Variants in HEATR5A observed in about 807,000 individuals in gnomAD.
HEATR5A encodes the protein HEAT repeat-containing protein 5A.
A neutral mutation model predicts 218.8 loss-of-function variants in HEATR5A; 178 were observed. The ratio of observed to expected loss-of-function variants is 0.81; its 90% confidence interval spans 0.72 to 0.92. The LOEUF is 0.92. Among genes scored for constraint, HEATR5A ranks in the 40% least tolerant of loss-of-function variants. The probability of loss-of-function intolerance (pLI) is 0.00; values close to 1 mark genes in which losing one functional copy is unlikely to be tolerated. For synonymous variants in HEATR5A, 864 were observed against 871.6 expected (o/e 0.99, Z 0.15); for missense variants, 2,420 against 2,418.9 (o/e 1.00, Z -0.01).
At chr14:31,386,658 C>A in intron 8 of HEATR5A, 83 bp from the exon 9 acceptor site, 1 of 1,284,398 alleles carries the variant, frequency 7.8e-7, no homozygotes, top group Non-Finnish European at 1.1e-6. Flanking sequence ...AAAGGTATAA[C>A]GGCAAAAATT....
rs779431570 is a variant in HEATR5A, at chr14:31,318,294, T to C, written c.3970-2A>G. On this transcript the variant is annotated splice_acceptor_variant, in intron 25 of 35. Coordinates refer to ENST00000543095, the MANE Select transcript of HEATR5A (RefSeq NM_015473.4). LOFTEE classifies it high-confidence loss of function. ...GGCTGGTCTAAGCGCTGCTCCTACC[T>C]GGCAAGAAATTACATGACATATCAA... 2 of 1,612,700 alleles carry C rather than the reference T, an allele frequency of 1.2e-6. No individual in the cohort carries two copies. Among genetic ancestry groups the C allele is most frequent in the Non-Finnish European group, 1.7e-6 (2 of 1,178,794 alleles).
At chr14:31,401,661 G>A (rs1354407982) in intron 2 of HEATR5A, among the ~76,000 whole-genome samples, 1 of 152,112 alleles carries the variant, frequency 6.6e-6, no homozygotes, top group African/African-American at 2.4e-5. Flanking sequence ...ATGTAACTTG[G>A]TCTATAAGCA....
intron 14 of HEATR5A, among the ~76,000 whole-genome samples, chr14:31,360,397 T>C (rs1315767887): frequency 1.3e-5 from 2 of 152,340 alleles, no homozygotes; most frequent in South Asian, 2.1e-4. Context: ...TTTTTGCTTT[T>C]GGTGATGGGC....
At chr14:31,319,290 T>A (rs1169799512) in intron 25 of HEATR5A, among the ~76,000 whole-genome samples, 2 of 151,956 alleles carry the variant, frequency 1.3e-5, no homozygotes, top group Non-Finnish European at 2.9e-5. Context: ...GTAGCTGGGA[T>A]TACAGGCGTC....
chr14:31,376,335 C>G (rs904330156), intron 11 of HEATR5A, among the ~76,000 whole-genome samples: 1 of 152,032 alleles, frequency 6.6e-6, no homozygotes, highest in African/African-American at 2.4e-5. Context: ...GGTCAACACA[C>G]CGAAATCTTT....
intron 6 of HEATR5A, among the ~76,000 whole-genome samples, chr14:31,392,746 C>T (rs1566780266): frequency 6.6e-6 from 1 of 152,312 alleles, no homozygotes; most frequent in East Asian, 1.9e-4. Context: ...GCCTGCTCTA[C>T]TTGCACACTT....
At chr14:31,375,054 TA>T (rs2139261537) in intron 11 of HEATR5A, 86 bp from the exon 12 acceptor site, 1 of 1,080,238 alleles carries the variant, frequency 9.3e-7, no homozygotes, top group Non-Finnish European at 1.3e-6. Flanking sequence ...ACTTCTCTCC[TA>T]AACATTTTAA....
chr14:31,336,581 C>T (rs886442591), intron 22 of HEATR5A, among the ~76,000 whole-genome samples: 1 of 129,966 alleles, frequency 7.7e-6, no homozygotes, highest in African/African-American at 2.5e-5. Flanking sequence ...AAGTGATATA[C>T]ACTTAAATCT....
chr14:31,412,429 C>T (rs2031306568), intron 1 of HEATR5A, among the ~76,000 whole-genome samples: 1 of 149,658 alleles, frequency 6.7e-6, no homozygotes, highest in African/African-American at 2.5e-5. Flanking sequence ...CCCATCTCTA[C>T]TAAAAATACA....
chr14:31,387,368 A>G lies in HEATR5A; in HGVS notation c.941T>C (p.Val314Ala), dbSNP rs1406430744. 2 of 1,609,634 alleles carry G rather than the reference A, an allele frequency of 1.2e-6. No homozygotes were observed. Among genetic ancestry groups the G allele is most frequent in the Non-Finnish European group, 1.7e-6 (2 of 1,177,376 alleles). ...DVRVGVTQAY[V>A]VFVSTLGGAW... ...TCCTCCTAGTGTTGAAACAAATACC[A>G]CATAAGCCTAAAAAGGAAAAGAGTT... Residue 314 changes from valine (V) to alanine (A), a missense_variant, in exon 8 of 36, where the codon GTG (valine) becomes GCG (alanine). Physicochemically the swap from Val to Ala is moderately conservative, Grantham distance 64 (BLOSUM62 0). Transcript: ENST00000543095.
chr14:31,340,558 C>A, intron 21 of HEATR5A: 1 of 841,744 alleles, frequency 1.2e-6, no homozygotes, highest in South Asian at 1.5e-5. Flanking sequence ...GTCAGCTAAG[C>A]ATTAAAATAT....
Position 31,402,987 on chromosome 14 carries a change from A to G in HEATR5A, c.-12T>C. The stretch of plus-strand genomic sequence containing the variant: ...TGAGCTAATTCCATTCCTTGCAGCA[A>G]TCCTCCCAGCTGATCACAGTTCTTC... On this transcript the variant is annotated 5_prime_UTR_variant, in exon 2 of 36. Transcript: ENST00000543095. The G allele has an allele frequency of 6.5e-7, 1 of 1,535,068 alleles. No homozygotes were observed. The highest frequency in any genetic ancestry group is 8.7e-7 in the Non-Finnish European group (1 of 1,146,250).
At chr14:31,392,811 T>C (rs1314317348) in intron 6 of HEATR5A, among the ~76,000 whole-genome samples, 2 of 152,196 alleles carry the variant, frequency 1.3e-5, no homozygotes, top group African/African-American at 4.8e-5. Context: ...CCAAAATTCA[T>C]AAAGTCATCC....
intron 28 of HEATR5A, among the ~76,000 whole-genome samples, chr14:31,310,631 C>A (rs926119037): frequency 6.6e-6 from 1 of 152,012 alleles, no homozygotes; most frequent in African/African-American, 2.4e-5. Context: ...CAGAGCAAGA[C>A]TCCACCTCAA....
chr14:31,383,389 T>A, intron 10 of HEATR5A, 132 bp downstream of exon 10: 1 of 797,530 alleles, frequency 1.3e-6, no homozygotes, highest in South Asian at 2.1e-5. Flanking sequence ...TAAAATAAAA[T>A]TGTAAATGTA....
At chr14:31,403,714 T>C (rs962788396) in intron 1 of HEATR5A, among the ~76,000 whole-genome samples, 1 of 152,182 alleles carries the variant, frequency 6.6e-6, no homozygotes, top group African/African-American at 2.4e-5. Context: ...CTGACCTAGA[T>C]CCAATGCAGC....
At chr14:31,320,140 T>TA (rs772913368) in intron 25 of HEATR5A, 2 of 312,338 alleles carry the variant, frequency 6.4e-6, no homozygotes, top group African/African-American at 2.2e-5. Flanking sequence ...ACGTTGTGTT[T>TA]AATGGTAAAG....
intron 25 of HEATR5A, among the ~76,000 whole-genome samples, chr14:31,320,857 T>C (rs1900075920): frequency 6.6e-6 from 1 of 152,192 alleles, no homozygotes; most frequent in African/African-American, 2.4e-5. Context: ...TCTAAGGAGC[T>C]GGGACTACAG....
intron 19 of HEATR5A, among the ~76,000 whole-genome samples, chr14:31,346,722 T>C (rs1010397261): frequency 6.6e-6 from 1 of 152,192 alleles, no homozygotes; most frequent in South Asian, 2.1e-4. Flanking sequence ...GAAAATCTTT[T>C]AGGAAAACGA....
Sources: allele counts gnomAD v4.1 joint callset (sites outside exome capture counted in the v4.1 genomes callset), GRCh38; gene constraint gnomAD v4.1.1; transcripts MANE v1.5; gene names NCBI Gene and HGNC (gene_info 2026-07-23, HGNC 2026-07-21).